LINC00305: variants seen among roughly 807,000 people sequenced by gnomAD.
LINC00305 encodes the protein long intergenic non-protein coding RNA 305.
chr18:64,120,812 T>G (rs2051358711), intron 1 of LINC00305, among the ~76,000 whole-genome samples: 1 of 152,126 alleles, frequency 6.6e-6, no homozygotes. Flanking sequence ...TAAACCAGAT[T>G]GCAAGTGAAA....
intron 2 of LINC00305, chr18:64,098,112 A>G (rs1455451849): frequency 2.5e-6 from 1 of 406,476 alleles, no homozygotes; most frequent in East Asian, 7.3e-5. Flanking sequence ...TCTGACCAAC[A>G]TTGTCCATTA....
chr18:64,114,744 T>A (rs2051330276), intron 1 of LINC00305, among the ~76,000 whole-genome samples: 1 of 152,234 alleles, frequency 6.6e-6, no homozygotes, highest in Non-Finnish European at 1.5e-5. Flanking sequence ...AGATGGAGTT[T>A]TGCCATGTTG....
intron 3 of LINC00305, among the ~76,000 whole-genome samples, chr18:64,090,891 G>A (rs1568104310): frequency 6.6e-6 from 1 of 152,218 alleles, no homozygotes; most frequent in Non-Finnish European, 1.5e-5. Flanking sequence ...ACGTGTGTAT[G>A]TATTTCTTTC....
At chr18:64,099,649 T>C (rs1248811348) in intron 1 of LINC00305, among the ~76,000 whole-genome samples, 1 of 152,208 alleles carries the variant, frequency 6.6e-6, no homozygotes, top group Non-Finnish European at 1.5e-5. Context: ...TAACGTGTAA[T>C]GGTAAGAACT....
intron 3 of LINC00305, among the ~76,000 whole-genome samples, chr18:64,086,388 C>G (rs569181795): frequency 6.6e-6 from 1 of 152,128 alleles, no homozygotes; most frequent in South Asian, 2.1e-4. Context: ...TACAAAGTAA[C>G]AGGAAAAACA....
At chr18:64,110,046 C>G (rs2051308538) in intron 1 of LINC00305, among the ~76,000 whole-genome samples, 2 of 152,006 alleles carry the variant, frequency 1.3e-5, no homozygotes, top group African/African-American at 4.8e-5. Context: ...TCTTCTTCTT[C>G]CAATATGGCC....
Position 64,094,888 on chromosome 18 carries a change from A to AAATAAATAAAT in LINC00305, n.540+2945_540+2946insATTTATTTATT, listed in dbSNP as rs1196743513. On this transcript the variant is annotated intron_variant and non_coding_transcript_variant, in intron 3 of 3. Transcript: ENST00000666468. ...ATAAATAAATAAATAAATAAATAAT[A>AAATAAATAAAT]AAATAAAATAAAAGAATTTCTTTCT... 3.3e-3 allele frequency among the ~76,000 whole-genome samples: 323 copies of AAATAAATAAAT among 97,192 alleles called. 3 individuals are homozygous for AAATAAATAAAT. The highest frequency in any genetic ancestry group is 0.025 in the East Asian group (117 of 4,722). The allele number at this position is 97,192 out of a possible 152,430, so 63.8% of individuals were successfully genotyped here. A position where few individuals can be genotyped will look rare whatever the true frequency, so the allele number is the denominator to read the frequency against.
At chr18:64,142,904 A>C (rs1335871669) in intron 1 of LINC00305, among the ~76,000 whole-genome samples, 1 of 152,232 alleles carries the variant, frequency 6.6e-6, no homozygotes, top group Non-Finnish European at 1.5e-5. Context: ...ATATGAACAT[A>C]CTGCAACATA....
intron 3 of LINC00305, among the ~76,000 whole-genome samples, chr18:64,085,105 T>C (rs1044676172): frequency 1.3e-5 from 2 of 152,222 alleles, no homozygotes; most frequent in Non-Finnish European, 2.9e-5. Context: ...CCTTCTAATA[T>C]TGTGCCCACT....
chr18:64,108,569 T>C (rs1000031833), intron 1 of LINC00305, among the ~76,000 whole-genome samples: 2 of 152,182 alleles, frequency 1.3e-5, no homozygotes, highest in African/African-American at 4.8e-5. Context: ...CCAGGACTAA[T>C]AAATTAGAAC....
At chr18:64,135,624 T>C (rs377579285) in intron 1 of LINC00305, among the ~76,000 whole-genome samples, 2 of 152,246 alleles carry the variant, frequency 1.3e-5, no homozygotes, top group South Asian at 4.2e-4. Flanking sequence ...CTCGCTCTGT[T>C]GCCCAGGCTG....
At chr18:64,140,638 T>C (rs9967285) in intron 1 of LINC00305, among the ~76,000 whole-genome samples, 31,241 of 152,124 alleles carry the variant, frequency 0.21, 3,449 homozygotes, top group Non-Finnish European at 0.24. Context: ...GATCCTACTG[T>C]TTAGAGCAGA....
At chr18:64,082,219 G>T (rs747374294) in intron 3 of LINC00305, among the ~76,000 whole-genome samples, 1 of 151,292 alleles carries the variant, frequency 6.6e-6, no homozygotes, top group Non-Finnish European at 1.5e-5. Flanking sequence ...TTTTTTTTCA[G>T]ATCCTGCCAT....
chr18:64,103,514 T>G (rs2051276338), intron 1 of LINC00305, among the ~76,000 whole-genome samples: 1 of 152,186 alleles, frequency 6.6e-6, no homozygotes, highest in South Asian at 2.1e-4. Flanking sequence ...GTCTAAAATG[T>G]GTTTGATTTT....
chr18:64,128,857 C>T lies in LINC00305; in HGVS notation n.314+19918G>A, dbSNP rs117318254. On this transcript the variant is annotated intron_variant and non_coding_transcript_variant, in intron 1 of 3. Transcript: ENST00000666468. ...TAACCCTGACACAGCAAGATTCTTC[C>T]GGAACTCTGCACCAATACTGAGGCT... Among the ~76,000 whole-genome samples the T allele has an allele frequency of 7.9e-5, 12 of 152,200 alleles. No homozygotes were observed. In the East Asian group the frequency reaches 9.7e-4, roughly 12 times the overall value.
At chr18:64,131,642 T>C (rs2051410307) in intron 1 of LINC00305, among the ~76,000 whole-genome samples, 1 of 152,218 alleles carries the variant, frequency 6.6e-6, no homozygotes, top group African/African-American at 2.4e-5. Context: ...TAATGGTTTC[T>C]CACAATATTT....
At chr18:64,090,450 T>C (rs1243115908) in intron 3 of LINC00305, among the ~76,000 whole-genome samples, 3 of 152,240 alleles carry the variant, frequency 2.0e-5, no homozygotes, top group Admixed American at 6.5e-5. Context: ...GTTTCTGTAA[T>C]CTGTGCTACT....
intron 3 of LINC00305, among the ~76,000 whole-genome samples, chr18:64,086,718 A>G (rs2051204999): frequency 6.6e-6 from 1 of 152,230 alleles, no homozygotes; most frequent in African/African-American, 2.4e-5. Context: ...ATTCCAAACT[A>G]TTCTTGCTTG....
At chr18:64,105,790 C>A (rs1210300258) in intron 1 of LINC00305, among the ~76,000 whole-genome samples, 2 of 152,174 alleles carry the variant, frequency 1.3e-5, no homozygotes, top group Non-Finnish European at 2.9e-5. Flanking sequence ...CGATAAATAT[C>A]TCTGAAATGA....
Sources: gnomAD v4.1 joint callset for allele counts (sites outside exome capture counted in the v4.1 genomes callset) on GRCh38, gnomAD v4.1.1 for gene constraint, MANE v1.5 for transcripts, NCBI Gene and HGNC (gene_info 2026-07-23, HGNC 2026-07-21) for gene names.